The following OTOA variants were observed in gnomAD, a reference collection of about 807,000 sequenced individuals.
OTOA encodes otoancorin, also known as cancer/testis antigen 108.
A neutral mutation model predicts 110.8 loss-of-function variants in OTOA; 70 were observed. The observed-to-expected ratio is 0.63, with a 90% CI of 0.52 to 0.77. The LOEUF is 0.77. OTOA is among the 30% of genes least tolerant of loss of function. The pLI is 0.00. For synonymous variants in OTOA, 373 were observed against 431.5 expected, an observed-to-expected ratio of 0.86 and a Z score of 1.68; for missense variants, 917 against 1,075.8, an observed-to-expected ratio of 0.85 and a Z score of 2.06.
At chr16:21,694,534 T>G (rs1344629497) in intron 9 of OTOA, among the ~76,000 whole-genome samples, 4 of 152,166 alleles carry the variant, frequency 2.6e-5, no homozygotes, top group Non-Finnish European at 4.4e-5. Flanking sequence ...CCCCATGGAT[T>G]GTAGTTTGCC....
intron 28 of OTOA, among the ~76,000 whole-genome samples, chr16:21,759,102 A>T (rs1400484927): frequency 6.6e-6 from 1 of 152,200 alleles, no homozygotes; most frequent in Non-Finnish European, 1.5e-5. Context: ...TGAATAGATA[A>T]TATGTGCAAT....
chr16:21,719,188 T>A lies in OTOA; in HGVS notation c.1685T>A (p.Leu562Ter), dbSNP rs1255997881. 6.2e-7 allele frequency: 1 copy of A among 1,614,128 alleles called. No individual in the cohort carries two copies. Among genetic ancestry groups the A allele is most frequent in the Non-Finnish European group, 8.5e-7 (1 of 1,180,020 alleles). Residue 562 changes from leucine to a stop codon, truncating the protein, a stop_gained, in exon 16 of 29, where the codon TTG (leucine) becomes TAG (stop). Transcript: ENST00000646100. LOFTEE classifies it high-confidence loss of function. ...LKTTRRPEEL[L>*]SAGQLVKGVT... ...ACCACCAGAAGGCCTGAGGAGCTTTTGAGGTAGGAAAATGTAACTCGGCCT... is the reference window on the plus strand; with the variant it reads ...ACCACCAGAAGGCCTGAGGAGCTTTAGAGGTAGGAAAATGTAACTCGGCCT...
chr16:21,724,780 A>T (rs4783342), intron 18 of OTOA, among the ~76,000 whole-genome samples: 79,293 of 150,200 alleles, frequency 0.53, 21,535 homozygotes, highest in Non-Finnish European at 0.57. Context: ...TTAATTAATT[A>T]ATTTATTTAT....
chr16:21,696,816 C>T (rs191361580), intron 9 of OTOA, among the ~76,000 whole-genome samples: 20 of 151,714 alleles, frequency 1.3e-4, no homozygotes, highest in African/African-American at 4.8e-4. Flanking sequence ...AGTAACCAAT[C>T]GAATGAAAAA....
intron 14 of OTOA, among the ~76,000 whole-genome samples, chr16:21,716,297 T>C (rs1322639965): frequency 6.6e-6 from 1 of 151,114 alleles, no homozygotes; most frequent in Non-Finnish European, 1.5e-5. Flanking sequence ...CTTGGCCAGG[T>C]GAGGTGGCTC....
chr16:21,697,812 G>A lies in OTOA; in HGVS notation c.777G>A (p.Trp259Ter). Residue 259 changes from tryptophan (W) to a stop codon, truncating the protein, a stop_gained, in exon 10 of 29, where the codon TGG becomes TGA. Coordinates refer to ENST00000646100, the MANE Select transcript of OTOA (RefSeq NM_144672.4). LOFTEE classifies it high-confidence loss of function. ...CATGGGTCAGTGCGGAACACTTATG[G>A]GTTTTGGGCAGATACATGGTTCACC... ...SASWVSAEHL[W>*]VLGRYMVHLS... The A allele has an allele frequency of 6.2e-7, 1 of 1,614,016 alleles. No homozygotes were observed. Among genetic ancestry groups the A allele is most frequent in the Non-Finnish European group, 8.5e-7 (1 of 1,179,986 alleles).
intron 22 of OTOA, 124 bp downstream of exon 22, chr16:21,736,514 T>C: frequency 1.8e-6 from 2 of 1,114,752 alleles, no homozygotes; most frequent in Non-Finnish European, 2.7e-6. Context: ...AGCAATAGAA[T>C]GACAAAATCT....
At chr16:21,717,110 G>A in intron 15 of OTOA, 63 bp downstream of exon 15, 3 of 1,598,474 alleles carry the variant, frequency 1.9e-6, no homozygotes, top group Non-Finnish European at 2.6e-6. Flanking sequence ...AGAATGAATG[G>A]TCTGTTTTAA....
chr16:21,726,706 C>T (rs1407486534), intron 19 of OTOA, 48 bp downstream of exon 19: 3 of 1,611,344 alleles, frequency 1.9e-6, no homozygotes, highest in Non-Finnish European at 2.5e-6. Context: ...TATCTGTGGC[C>T]ATCTTGGGGA....
At chr16:21,696,969 A>T (rs1007211485) in intron 9 of OTOA, among the ~76,000 whole-genome samples, 37 of 35,596 alleles carry the variant, frequency 1.0e-3, no homozygotes, top group Non-Finnish European at 1.4e-3. Context: ...AGTGAGCTGT[A>T]GCCTCAAATT....
intron 22 of OTOA, among the ~76,000 whole-genome samples, chr16:21,736,989 G>A (rs1899327564): frequency 1.3e-5 from 2 of 152,308 alleles, no homozygotes; most frequent in Non-Finnish European, 2.9e-5. Context: ...GCAGTGACAG[G>A]GCCGGGCTGG....
chr16:21,738,088 T>G (rs1899395247), intron 22 of OTOA, among the ~76,000 whole-genome samples: 1 of 151,780 alleles, frequency 6.6e-6, no homozygotes, highest in Non-Finnish European at 1.5e-5. Context: ...AGCAAGGGAA[T>G]GCACCACGAG....
In OTOA at chr16:21,760,586, CAT is replaced by C; in HGVS notation, c.*47_*48del. 1 of 1,436,514 alleles carries C rather than the reference CAT, an allele frequency of 7.0e-7. No homozygotes were observed. Among genetic ancestry groups the C allele is most frequent in the Non-Finnish European group, 9.7e-7 (1 of 1,030,788 alleles). 89.0% of individuals were successfully genotyped at this position (1,436,514 alleles called of 1,614,324 possible). On this transcript the variant is annotated 3_prime_UTR_variant, in exon 29 of 29. Transcript: ENST00000646100. ...TGTGTTGCCCCAAGCAGCTGGCCAA[CAT>C]GTGTAGAGACAGGATGCTCCAGATG...
At position 21,708,823 on chromosome 16, in the gene OTOA, C is replaced by T. The variant is rs548156231; in HGVS notation, c.1105-1065C>T. Among the ~76,000 whole-genome samples the T allele has an allele frequency of 2.6e-5, 4 of 152,202 alleles. No individual in the cohort carries two copies. In the East Asian group the frequency reaches 7.7e-4, roughly 29 times the overall value. On this transcript the variant is annotated intron_variant, in intron 12 of 28. Transcript: ENST00000646100. Reference sequence around the variant, plus strand: ...ACCATTCTTGTTTTTTGTTACAGAGCTCATTGTATAGTAGGTGACTTTATC... The same window carrying T: ...ACCATTCTTGTTTTTTGTTACAGAGTTCATTGTATAGTAGGTGACTTTATC...
chr16:21,693,133 GT>G lies in OTOA; in HGVS notation c.739+1447del, dbSNP rs1897866776. Among the ~76,000 whole-genome samples the G allele has an allele frequency of 3.3e-5, 5 of 151,926 alleles. 1 individual carries two copies. The South Asian group carries it at 1.0e-3, about 32-fold the overall frequency. On this transcript the variant is annotated intron_variant, in intron 9 of 28. Transcript: ENST00000646100. ...AAAAACAAAAGCCAGGTGTGGTGGC[GT>G]GCGCCTGTGGTCCCAGCTACTCAGG...
At chr16:21,676,060 TG>T in intron 1 of OTOA, among the ~76,000 whole-genome samples, 1 of 152,256 alleles carries the variant, frequency 6.6e-6, no homozygotes, top group Non-Finnish European at 1.5e-5. Flanking sequence ...CCTGAGTAGT[TG>T]GGCACCTGCC....
chr16:21,673,850 C>T (rs936371870), intron 1 of OTOA, among the ~76,000 whole-genome samples: 7 of 151,958 alleles, frequency 4.6e-5, no homozygotes, highest in African/African-American at 7.3e-5. Context: ...AATGCAGTGG[C>T]GTGATCTTGG....
chr16:21,664,750 T>C (rs1364982088), intron 1 of OTOA, among the ~76,000 whole-genome samples: 1 of 152,128 alleles, frequency 6.6e-6, no homozygotes, highest in East Asian at 1.9e-4. Context: ...GGCAGGAGAA[T>C]CACTTGAGGC....
intron 7 of OTOA, 109 bp downstream of exon 7, chr16:21,685,470 C>T: frequency 6.8e-7 from 1 of 1,478,760 alleles, no homozygotes; most frequent in East Asian, 2.5e-5. Flanking sequence ...ATTGTCTCTT[C>T]CTCTCTCCTT....
Sources: gnomAD v4.1 joint callset for allele counts (sites outside exome capture counted in the v4.1 genomes callset) on GRCh38, gnomAD v4.1.1 for gene constraint, MANE v1.5 for transcripts, NCBI Gene and HGNC (gene_info 2026-07-23, HGNC 2026-07-21) for gene names.